The following GBE1 variants were observed in gnomAD, a reference collection of about 807,000 sequenced individuals.
GBE1 encodes 1,4-alpha-glucan branching enzyme 1.
GBE1 carries 70 observed loss-of-function variants against 88.8 expected under a neutral mutation model. The ratio of observed to expected loss-of-function variants is 0.79; its 90% CI spans 0.65 to 0.96. The LOEUF is 0.96. Among genes scored for constraint, GBE1 ranks in the 40% least tolerant of loss-of-function variants. GBE1 has a pLI of 0.00. For synonymous variants in GBE1, 284 were observed against 300.1 expected (o/e 0.95, Z 0.56); for missense variants, 872 against 871.0 (o/e 1.00, Z -0.01).
chr3:81,612,938 AGATGAT>A, intron 7 of GBE1: 1 of 391,804 alleles, frequency 2.6e-6, no homozygotes, highest in Non-Finnish European at 4.8e-6. Context: ...AAGGAGAAAA[AGATGAT>A]GATGATGATG....
chr3:81,589,514 A>T (rs1460131449), intron 9 of GBE1, among the ~76,000 whole-genome samples: 3 of 147,716 alleles, frequency 2.0e-5, no homozygotes, highest in African/African-American at 7.4e-5. Context: ...TCTTTTTTTA[A>T]AAAAAAAAAA....
At chr3:81,502,440 C>G (rs979631679) in intron 14 of GBE1, among the ~76,000 whole-genome samples, 1 of 152,048 alleles carries the variant, frequency 6.6e-6, no homozygotes, top group Non-Finnish European at 1.5e-5. Context: ...TTTCTGTGTC[C>G]AATTGTGCAA....
At position 81,691,269 on chromosome 3, in the gene GBE1, T is replaced by C. The variant is rs375498629; in HGVS notation, c.313+14175A>G. Among the ~76,000 whole-genome samples, 31 of 152,286 alleles carry C rather than the reference T, an allele frequency of 2.0e-4. No individual in the cohort carries two copies. The East Asian group carries it at 5.8e-3, about 28-fold the overall frequency. On this transcript the variant is annotated intron_variant, in intron 2 of 15. Coordinates refer to ENST00000429644, the MANE Select transcript of GBE1 (RefSeq NM_000158.4). ...AATATATTTACAGGAGATTTCAATT[T>C]GTGATTCCTCACCCTGTGAAGAGGA...
At chr3:81,599,294 T>C (rs2106965780) in intron 7 of GBE1, among the ~76,000 whole-genome samples, 1 of 152,242 alleles carries the variant, frequency 6.6e-6, no homozygotes, top group East Asian at 1.9e-4. Context: ...TGTGAGTGTA[T>C]GTACATAAAG....
chr3:81,684,527 T>A (rs564595719), intron 2 of GBE1, among the ~76,000 whole-genome samples: 1 of 152,268 alleles, frequency 6.6e-6, no homozygotes, highest in East Asian at 1.9e-4. Flanking sequence ...GTCTCTTACA[T>A]GGGCACTAAT....
At chr3:81,571,710 A>C (rs1352263789) in intron 12 of GBE1, among the ~76,000 whole-genome samples, 2 of 152,190 alleles carry the variant, frequency 1.3e-5, no homozygotes, top group African/African-American at 4.8e-5. Context: ...ATTCTGAACA[A>C]GTGGAATATT....
chr3:81,666,295 G>A (rs890439037), intron 3 of GBE1, among the ~76,000 whole-genome samples: 1 of 152,158 alleles, frequency 6.6e-6, no homozygotes, highest in African/African-American at 2.4e-5. Flanking sequence ...GTAGCCTGGA[G>A]GGCCAGGCCA....
At chr3:81,672,787 T>C (rs1208322220) in intron 2 of GBE1, among the ~76,000 whole-genome samples, 2 of 151,900 alleles carry the variant, frequency 1.3e-5, no homozygotes, top group African/African-American at 4.8e-5. Context: ...TCAAGCAGCC[T>C]TGTGGCATAT....
At chr3:81,508,857 C>T (rs1366451295) in intron 14 of GBE1, among the ~76,000 whole-genome samples, 1 of 152,040 alleles carries the variant, frequency 6.6e-6, no homozygotes, top group Admixed American at 6.6e-5. Flanking sequence ...CTACCAATTG[C>T]TAACTGTGTG....
intron 14 of GBE1, among the ~76,000 whole-genome samples, chr3:81,510,449 G>C (rs1452005166): frequency 6.6e-6 from 1 of 152,038 alleles, no homozygotes; most frequent in Non-Finnish European, 1.5e-5. Flanking sequence ...GAAGAACAGG[G>C]GCTAAACTAG....
intron 12 of GBE1, among the ~76,000 whole-genome samples, chr3:81,575,861 GGGAA>G (rs1277887993): frequency 6.6e-6 from 1 of 152,012 alleles, no homozygotes; most frequent in East Asian, 1.9e-4. Flanking sequence ...TTTAATACAT[GGGAA>G]GGTAGCCTTG....
chr3:81,586,116 C>T lies in GBE1; in HGVS notation c.1311G>A (p.Met437Ile). ...GGGGFDYRLA[M>I]AIPDKWIQLL... ...CCTGAATCCACTTATCTGGAATTGC[C>T]ATGGCTAGTCGATAGTCAAAACCAC... Residue 437 changes from methionine (M) to isoleucine (I), a missense_variant, in exon 10 of 16, where the codon ATG (methionine) becomes ATA (isoleucine). Met to Ile is a conservative substitution (Grantham distance 10). Transcript: ENST00000429644. 3.1e-6 allele frequency: 5 copies of T among 1,608,910 alleles called. No homozygotes were observed. Among genetic ancestry groups the T allele is most frequent in the Non-Finnish European group, 4.2e-6 (5 of 1,177,746 alleles).
chr3:81,725,247 CT>C (rs919874335), intron 1 of GBE1, among the ~76,000 whole-genome samples: 1 of 152,056 alleles, frequency 6.6e-6, no homozygotes, highest in Non-Finnish European at 1.5e-5. Context: ...CTTTTGGACT[CT>C]TTTGTAATAA....
chr3:81,572,971 C>A (rs1233456173), intron 12 of GBE1, among the ~76,000 whole-genome samples: 2 of 152,044 alleles, frequency 1.3e-5, no homozygotes, highest in Non-Finnish European at 2.9e-5. Context: ...CCGTGATAAC[C>A]AAATAAGCAC....
At position 81,731,942 on chromosome 3, in the gene GBE1, CTCT is replaced by C. The variant is rs1361105312; in HGVS notation, c.144-26332_144-26330del. ...AACCCTACATACATAAGTCTAAAAT[CTCT>C]TCTTAATTCCCAAAAAAACACTAAT... On this transcript the variant is annotated intron_variant, in intron 1 of 15. Coordinates refer to ENST00000429644, the MANE Select transcript of GBE1 (RefSeq NM_000158.4). Among the ~76,000 whole-genome samples, 8 of 152,208 alleles carry C rather than the reference CTCT, an allele frequency of 5.3e-5. No individual in the cohort carries two copies. In the East Asian group the frequency reaches 1.5e-3, roughly 29 times the overall value.
intron 2 of GBE1, among the ~76,000 whole-genome samples, chr3:81,699,065 CT>C: frequency 6.6e-6 from 1 of 152,324 alleles, no homozygotes; most frequent in East Asian, 1.9e-4. Flanking sequence ...AACCTAAAGC[CT>C]TGTGCCTTGT....
chr3:81,737,241 A>C (rs1706269300), intron 1 of GBE1, among the ~76,000 whole-genome samples: 1 of 142,298 alleles, frequency 7.0e-6, no homozygotes. Flanking sequence ...GTAAATGAAT[A>C]TTTATATATA....
intron 14 of GBE1, chr3:81,509,326 A>G (rs1172815616): frequency 6.8e-6 from 1 of 147,372 alleles, no homozygotes; most frequent in African/African-American, 2.5e-5. Context: ...AAAAGAAGGT[A>G]CTTCTCAAGT....
rs1375811547 is a variant in GBE1, at chr3:81,761,356, G to C, written c.143+19C>G. 3 of 1,599,804 alleles carry C rather than the reference G, an allele frequency of 1.9e-6. No homozygotes were observed. Among genetic ancestry groups the C allele is most frequent in the Non-Finnish European group, 2.6e-6 (3 of 1,170,226 alleles). ...GCGGGCTGCCTGTCTAAGTGGGGGT[G>C]GTGGGATTCCGGCGGTACCTGCGCT... On this transcript the variant is annotated intron_variant, in intron 1 of 15. Transcript: ENST00000429644.
Sources: allele counts gnomAD v4.1 joint callset (sites outside exome capture counted in the v4.1 genomes callset), GRCh38; gene constraint gnomAD v4.1.1; transcripts MANE v1.5; gene names NCBI Gene and HGNC (gene_info 2026-07-23, HGNC 2026-07-21).